The following PSMA7 variants were observed in gnomAD, a reference collection of about 807,000 sequenced individuals.
PSMA7 encodes proteasome subunit alpha type-7.
In PSMA7, 5 loss-of-function variants were observed where a neutral mutation model predicts 31.3. The observed-to-expected ratio is 0.16, with a 90% CI of 0.08 to 0.34. The LOEUF (loss-of-function observed/expected upper bound fraction) is 0.34. PSMA7 is among the 10% of genes least tolerant of loss of function. PSMA7 has a pLI of 1.00. For missense variants in PSMA7, 217 were observed against 327.5 expected, an observed-to-expected ratio of 0.66 and a Z score of 2.60; for synonymous variants, 155 against 121.9, an observed-to-expected ratio of 1.27 and a Z score of -1.79.
At chr20:62,137,298 T>TA (rs2056901215) in intron 6 of PSMA7, 66 bp downstream of exon 6, 1 of 1,502,282 alleles carries the variant, frequency 6.7e-7, no homozygotes, top group Admixed American at 1.7e-5. Flanking sequence ...TCGGAACTGG[T>TA]ACTGCTCAGC....
rs2145661129 is a variant in PSMA7 at position 62,136,741 on chromosome 20, A to G, written c.*116T>C. On this transcript the variant is annotated 3_prime_UTR_variant, in exon 7 of 7. Coordinates refer to ENST00000370873, the MANE Select transcript of PSMA7 (RefSeq NM_002792.4). ...TTAAAAAAAAAAACAGGTTAAAAAT[A>G]CGGAAGTTTATTGTAGGACACTCAG... 7.1e-7 allele frequency: 1 copy of G among 1,400,248 alleles called. No homozygotes were observed. The highest frequency in any genetic ancestry group is 2.5e-5 in the East Asian group (1 of 40,172). The allele number at this position is 1,400,248 out of a possible 1,614,324, so 86.7% of individuals were successfully genotyped here.
chr20:62,140,979 GAT>G lies in PSMA7; in HGVS notation c.97-37_97-36del, dbSNP rs756531020. On this transcript the variant is annotated intron_variant, in intron 1 of 6. Coordinates refer to ENST00000370873, the MANE Select transcript of PSMA7 (RefSeq NM_002792.4). The stretch of plus-strand genomic sequence containing the variant: ...AGATCCACAAACCACGTAAGAAAGT[GAT>G]ATGAGTGCTGGGTGCAGTGGCTCAT... 7.4e-6 allele frequency: 12 copies of G among 1,612,112 alleles called. No individual in the cohort carries two copies. In the Admixed American group the frequency reaches 1.8e-4, roughly 25 times the overall value.
intron 1 of PSMA7, chr20:62,142,366 C>G (rs1028618193): frequency 6.6e-6 from 1 of 152,236 alleles, no homozygotes; most frequent in Non-Finnish European, 1.5e-5. Context: ...AACAAAGATT[C>G]AGAAAATGAA....
At chr20:62,142,157 T>A (rs2056933735) in intron 1 of PSMA7, among the ~76,000 whole-genome samples, 1 of 152,174 alleles carries the variant, frequency 6.6e-6, no homozygotes, top group African/African-American at 2.4e-5. Flanking sequence ...GTGTTTGGGT[T>A]TTCTGGGAGC....
chr20:62,143,372 C>T lies in PSMA7; in HGVS notation c.-69G>A, dbSNP rs1466304522. 1 of 896,272 alleles carries T rather than the reference C, an allele frequency of 1.1e-6. No individual in the cohort carries two copies. Among genetic ancestry groups the T allele is most frequent in the Non-Finnish European group, 1.4e-6 (1 of 696,824 alleles). 55.5% of individuals were successfully genotyped at this position (896,272 alleles called of 1,614,324 possible). A position where few individuals can be genotyped will look rare whatever the true frequency, so the allele number is the denominator to read the frequency against. On this transcript the variant is annotated 5_prime_UTR_variant, in exon 1 of 7. It adds an upstream start codon to the 5' untranslated region. Coordinates refer to ENST00000370873, the MANE Select transcript of PSMA7 (RefSeq NM_002792.4). ...AGCGCACACTCACGGCCCGCGCGCA[C>T]CCGCGACTCCCGGCGCCACTACGCC...
At chr20:62,141,910 C>G (rs530645210) in intron 1 of PSMA7, among the ~76,000 whole-genome samples, 3 of 152,232 alleles carry the variant, frequency 2.0e-5, no homozygotes, top group Non-Finnish European at 4.4e-5. Flanking sequence ...GGATAAACAG[C>G]GCCTCCTGGT....
chr20:62,139,629 G>A (rs1376879520), intron 3 of PSMA7, 152 bp downstream of exon 3: 2 of 1,292,260 alleles, frequency 1.5e-6, no homozygotes, highest in African/African-American at 1.5e-5. Flanking sequence ...GGTGAGCTAG[G>A]TCAAGTTACA....
chr20:62,141,027 T>C (rs945535808), intron 1 of PSMA7, 83 bp from the exon 2 acceptor site: 29 of 1,546,068 alleles, frequency 1.9e-5, no homozygotes, highest in African/African-American at 8.2e-5. Context: ...TCCAGCACTT[T>C]GGGAGGCTGA....
intron 2 of PSMA7, among the ~76,000 whole-genome samples, chr20:62,140,509 G>T (rs1257418919): frequency 6.6e-6 from 1 of 152,228 alleles, no homozygotes; most frequent in Admixed American, 6.5e-5. Flanking sequence ...CACAGATGCA[G>T]TTAGCTCTAG....
Position 62,136,901 on chromosome 20 carries a change from CTTT to C in PSMA7, c.700_702del (p.Lys234del), listed in dbSNP as rs752201066. 1 of 1,599,536 alleles carries C rather than the reference CTTT, an allele frequency of 6.3e-7. No individual in the cohort carries two copies. Among genetic ancestry groups the C allele is most frequent in the Non-Finnish European group, 8.5e-7 (1 of 1,175,186 alleles). ...TTCTTCTTTTCGTTTTCTTCTTTTT[CTTT>C]TTCAATTTCAGCAACATACTTCTCA... On this transcript the variant is annotated inframe_deletion, in exon 7 of 7. Coordinates refer to ENST00000370873, the MANE Select transcript of PSMA7 (RefSeq NM_002792.4).
intron 3 of PSMA7, 74 bp downstream of exon 3, chr20:62,139,707 T>C (rs1600967548): frequency 2.5e-6 from 4 of 1,610,800 alleles, no homozygotes; most frequent in Non-Finnish European, 3.4e-6. Flanking sequence ...TGAAGTGACA[T>C]GGCAGGACCC....
At chr20:62,139,550 T>C (rs770262542) in intron 3 of PSMA7, 2 of 786,248 alleles carry the variant, frequency 2.5e-6, no homozygotes, top group Non-Finnish European at 4.0e-6. Context: ...AGCTATCATT[T>C]CCCTCCAGAC....
At chr20:62,138,483 CT>C (rs2056908095) in intron 4 of PSMA7, among the ~76,000 whole-genome samples, 193 bp from the exon 5 acceptor site, 1 of 151,866 alleles carries the variant, frequency 6.6e-6, no homozygotes, top group Admixed American at 6.6e-5. Context: ...AGAGTTGATG[CT>C]GATTCTTACC....
chr20:62,137,749 C>T (rs2056904014), intron 5 of PSMA7, among the ~76,000 whole-genome samples: 1 of 152,226 alleles, frequency 6.6e-6, no homozygotes, highest in Non-Finnish European at 1.5e-5. Context: ...CAGCTAGTCC[C>T]TCTCTGGTTT....
At chr20:62,142,843 C>A (rs1279881538) in intron 1 of PSMA7, among the ~76,000 whole-genome samples, 1 of 151,756 alleles carries the variant, frequency 6.6e-6, no homozygotes, top group Non-Finnish European at 1.5e-5. Context: ...CGGCCCAGAG[C>A]GGCCCTCGCC....
At chr20:62,141,529 A>T (rs1426048758) in intron 1 of PSMA7, among the ~76,000 whole-genome samples, 1 of 152,178 alleles carries the variant, frequency 6.6e-6, no homozygotes, top group Non-Finnish European at 1.5e-5. Flanking sequence ...AAATACTGAG[A>T]TGTAGTTTTA....
chr20:62,142,248 G>A (rs1005838584), intron 1 of PSMA7, among the ~76,000 whole-genome samples: 7 of 152,230 alleles, frequency 4.6e-5, no homozygotes, highest in South Asian at 2.1e-4. Context: ...GCCAGCGGCG[G>A]CCAGCTGGCG....
rs772364540 is a variant in PSMA7, at chr20:62,136,862, A to G, written c.742T>C (p.Ser248Pro). The G allele has an allele frequency of 1.5e-5, 24 of 1,597,504 alleles. No individual in the cohort carries two copies. The South Asian group carries it at 2.8e-4, about 18-fold the overall frequency. Residue 248 changes from serine to proline, a missense_variant, in exon 7 of 7, where the codon TCA (serine) becomes CCA (proline). By Grantham distance (74) the Ser-to-Pro change is moderately conservative. Transcript: ENST00000370873. ...ENEKKKQKKA[S>P] ...AAGCAAAGACATTTTATTCATCATG[A>G]TGCTTTCTTTTGTTTCTTCTTTTCG... is the stretch of plus-strand genomic sequence containing the variant.
At position 62,137,223 on chromosome 20, in the gene PSMA7, A is replaced by G. The variant is rs1008638044; in HGVS notation, c.654+141T>C. 2.4e-5 allele frequency: 23 copies of G among 968,976 alleles called. 1 individual carries two copies. Among genetic ancestry groups the G allele is most frequent in the Non-Finnish European group, 3.6e-5 (22 of 618,746 alleles). The allele number at this position is 968,976 out of a possible 1,614,324, so 60.0% of individuals were successfully genotyped here. A position where few individuals can be genotyped will look rare whatever the true frequency, so the allele number is the denominator to read the frequency against. Reference sequence around the variant, plus strand: ...AAGATGGGAATCTTCTCTTTGACGTATGGGGAGCCTCAGAAAGACATTTTC... The same window carrying G: ...AAGATGGGAATCTTCTCTTTGACGTGTGGGGAGCCTCAGAAAGACATTTTC... On this transcript the variant is annotated intron_variant, in intron 6 of 6. Transcript: ENST00000370873.
Sources: allele counts gnomAD v4.1 joint callset (sites outside exome capture counted in the v4.1 genomes callset), GRCh38; gene constraint gnomAD v4.1.1; transcripts MANE v1.5; gene names NCBI Gene and HGNC (gene_info 2026-07-23, HGNC 2026-07-21).